SLC4A9: variants seen among roughly 807,000 people sequenced by gnomAD.
SLC4A9 encodes the protein anion exchange protein 4.
In SLC4A9, 102 loss-of-function variants were observed where a neutral mutation model predicts 103.2. The observed-to-expected ratio is 0.99, with a 90% CI of 0.84 to 1.17. SLC4A9 has a LOEUF of 1.17. Among genes scored for constraint, SLC4A9 ranks in the 50% most tolerant of loss-of-function variants. SLC4A9 has a pLI of 0.00. For synonymous variants in SLC4A9, 453 were observed against 483.6 expected (o/e 0.94, Z 0.83); for missense variants, 1,091 against 1,193.7 (o/e 0.91, Z 1.27).
intron 17 of SLC4A9, among the ~76,000 whole-genome samples, chr5:140,370,666 T>C (rs1289690294): frequency 6.6e-6 from 1 of 152,028 alleles, no homozygotes; most frequent in Non-Finnish European, 1.5e-5. Flanking sequence ...AAGAATAAAC[T>C]GGTCATGAGA....
In SLC4A9 at chr5:140,362,234, G is replaced by C. The variant is rs1202193759; in HGVS notation, c.719+60G>C. On this transcript the variant is annotated intron_variant, in intron 5 of 21. Coordinates refer to ENST00000506757, the MANE Select transcript of SLC4A9 (RefSeq NM_031467.3). ...CAGAACCTAGAAGGGTCTTTACTGA[G>C]GAGGGGAAGGAGGGTCTCAGTCTGA... 9.7e-6 allele frequency: 14 copies of C among 1,438,086 alleles called. 1 individual carries two copies. In the Middle Eastern group the frequency reaches 5.5e-4, roughly 56 times the overall value. 89.1% of individuals were successfully genotyped at this position (1,438,086 alleles called of 1,614,324 possible).
chr5:140,363,471 C>A lies in SLC4A9; in HGVS notation c.995C>A (p.Pro332His), dbSNP rs775016417. The A allele has an allele frequency of 6.4e-7, 1 of 1,551,242 alleles. No individual in the cohort carries two copies. The highest frequency in any genetic ancestry group is 8.7e-7 in the Non-Finnish European group (1 of 1,147,028). The change falls in exon 8 of 22, where the codon CCC becomes CAC. Residue 332 changes from proline (P) to histidine (H), a missense_variant. Transcript: ENST00000506757. This position sits in a 1 kb window ranked among gnomAD's most constrained non-coding sequence, Gnocchi z 4.5. Reference protein sequence around the residue: ...LPSQQREIRGPAVPRLTSAED... With the variant: ...LPSQQREIRGHAVPRLTSAED... The stretch of plus-strand genomic sequence containing the variant: ...TCGCAACAGCGGGAGATCAGAGGTC[C>A]CGCCGTCCCGCGCCTGACCTCGGCT...
chr5:140,374,120 C>T (rs919301116), intron 21 of SLC4A9, among the ~76,000 whole-genome samples: 10 of 151,234 alleles, frequency 6.6e-5, no homozygotes, highest in Non-Finnish European at 7.4e-5. Context: ...GGTGGAGGTT[C>T]GGAAGTTGCA....
At chr5:140,360,574 C>G in intron 1 of SLC4A9, 108 bp downstream of exon 1, 2 of 1,192,946 alleles carry the variant, frequency 1.7e-6, no homozygotes, top group South Asian at 3.0e-5. Context: ...TAGGATTTTC[C>G]CAGCTGTGTT....
rs767879386 is a variant in SLC4A9 at position 140,372,803 on chromosome 5, A to G, written c.*5A>G. On this transcript the variant is annotated 3_prime_UTR_variant, in exon 21 of 22. Coordinates refer to ENST00000506757, the MANE Select transcript of SLC4A9 (RefSeq NM_031467.3). Reference sequence around the variant, plus strand: ...ATCAACATTTCTGTGAATTAGCTGGAGTAGGAGTCTGGGAGTGGAGACCCC... The same window carrying G: ...ATCAACATTTCTGTGAATTAGCTGGGGTAGGAGTCTGGGAGTGGAGACCCC... 32 of 1,564,348 alleles carry G rather than the reference A, an allele frequency of 2.0e-5. No homozygotes were observed. The highest frequency in any genetic ancestry group is 2.8e-5 in the Non-Finnish European group (32 of 1,153,454).
rs1326163720 is a variant in SLC4A9, at chr5:140,372,378, G to A, written c.2807G>A (p.Ser936Asn). The A allele has an allele frequency of 6.2e-7, 1 of 1,610,256 alleles. No individual in the cohort carries two copies. Among genetic ancestry groups the A allele is most frequent in the East Asian group, 2.2e-5 (1 of 44,652 alleles). ...EKGLEPEHSFSGSDSEDSELM... is the reference protein window; with the variant it reads ...EKGLEPEHSFNGSDSEDSELM... Reference sequence around the variant, plus strand: ...GGGCTGGAGCCAGAACACTCATTCAGTGGAAGTGACAGTGAAGATGTGAGC... The same window carrying A: ...GGGCTGGAGCCAGAACACTCATTCAATGGAAGTGACAGTGAAGATGTGAGC... The change falls in exon 20 of 22, where the codon AGT (serine) becomes AAT (asparagine). Residue 936 changes from serine (S) to asparagine (N), a missense_variant. By Grantham distance (46) the Ser-to-Asn change is conservative. Coordinates refer to ENST00000506757, the MANE Select transcript of SLC4A9 (RefSeq NM_031467.3).
At position 140,363,153 on chromosome 5, in the gene SLC4A9, GAA is replaced by G; in HGVS notation, c.962+89_962+90del. On this transcript the variant is annotated intron_variant, in intron 7 of 21. Coordinates refer to ENST00000506757, the MANE Select transcript of SLC4A9 (RefSeq NM_031467.3). The surrounding 1 kb of genome is among the most constrained non-coding windows in gnomAD (Gnocchi z 4.5). ...TTGTTGAGGAGGGGTGGTGTCCCAG[GAA>G]AGAGATAGGGACCTATCTTTGGATT... is the stretch of plus-strand genomic sequence containing the variant. 3 of 1,503,616 alleles carry G rather than the reference GAA, an allele frequency of 2.0e-6. No homozygotes were observed. Among genetic ancestry groups the G allele is most frequent in the Non-Finnish European group, 2.7e-6 (3 of 1,116,674 alleles). 93.1% of individuals were successfully genotyped at this position (1,503,616 alleles called of 1,614,324 possible).
intron 17 of SLC4A9, among the ~76,000 whole-genome samples, chr5:140,369,304 CA>C (rs1768355826): frequency 6.6e-6 from 1 of 150,608 alleles, no homozygotes; most frequent in Admixed American, 6.6e-5. Context: ...AAAAAAAAAC[CA>C]AAAAACAACA....
At chr5:140,369,712 A>T (rs1448691698) in intron 17 of SLC4A9, among the ~76,000 whole-genome samples, 3 of 152,098 alleles carry the variant, frequency 2.0e-5, no homozygotes, top group Non-Finnish European at 4.4e-5. Context: ...AGCATAAACC[A>T]TATGCTAGGC....
At position 140,364,251 on chromosome 5, in the gene SLC4A9, G is replaced by T. The variant is rs757074805; in HGVS notation, c.1388+64G>T. 13 of 1,574,340 alleles carry T rather than the reference G, an allele frequency of 8.3e-6. No individual in the cohort carries two copies. The Admixed American group carries it at 2.1e-4, about 25-fold the overall frequency. On this transcript the variant is annotated intron_variant, in intron 10 of 21. Transcript: ENST00000506757. ...CCATGGTCAGCCTGCTCCTGGCTGG[G>T]TGAATAGGAGAGAGTGGGAGCTATC...
chr5:140,361,957 G>A (rs921890395), intron 4 of SLC4A9, 60 bp from the exon 5 acceptor site: 1 of 1,613,426 alleles, frequency 6.2e-7, no homozygotes, highest in Non-Finnish European at 8.5e-7. Flanking sequence ...CTCATCATTT[G>A]AGATCTTATC....
At chr5:140,366,602 G>A (rs1354367958) in intron 14 of SLC4A9, among the ~76,000 whole-genome samples, 4 of 152,072 alleles carry the variant, frequency 2.6e-5, no homozygotes, top group South Asian at 4.1e-4. Context: ...CAATTTCTTC[G>A]TCTATAAAAT....
At chr5:140,361,885 TC>T (rs771894128) in intron 4 of SLC4A9, 22 bp downstream of exon 4, 48 of 1,613,104 alleles carry the variant, frequency 3.0e-5, no homozygotes, top group African/African-American at 4.0e-5. Context: ...TTCCTTGGGG[TC>T]CCTTTCCAGT....
Position 140,371,177 on chromosome 5 carries a change from A to G in SLC4A9, c.2496+14A>G. 1 of 1,604,832 alleles carries G rather than the reference A, an allele frequency of 6.2e-7. No homozygotes were observed. Among genetic ancestry groups the G allele is most frequent in the Non-Finnish European group, 8.5e-7 (1 of 1,175,098 alleles). ...AGCAGCATTCAGGTGAGCCCATTAAAATCACCTAACAAAAGAAAAAAGAAG... is the reference window on the plus strand; with the variant it reads ...AGCAGCATTCAGGTGAGCCCATTAAGATCACCTAACAAAAGAAAAAAGAAG... On this transcript the variant is annotated intron_variant, in intron 18 of 21. Transcript: ENST00000506757.
intron 1 of SLC4A9, 159 bp downstream of exon 1, chr5:140,360,625 C>A: frequency 8.8e-7 from 1 of 1,131,742 alleles, no homozygotes; most frequent in Non-Finnish European, 1.3e-6. Flanking sequence ...GCCCAGCCTC[C>A]TCTGCAGTCT....
At chr5:140,365,665 TAAGGA>T in intron 12 of SLC4A9, 87 bp downstream of exon 12, 1 of 1,484,286 alleles carries the variant, frequency 6.7e-7, no homozygotes, top group Non-Finnish European at 9.3e-7. Flanking sequence ...ACCCATAGGT[TAAGGA>T]AACCTTCATA....
In SLC4A9 at chr5:140,375,105, G is replaced by A. The variant is rs1769296377; in HGVS notation, c.*324G>A. The A allele has an allele frequency of 6.6e-6, 1 of 152,072 alleles. No individual in the cohort carries two copies. The highest frequency in any genetic ancestry group is 2.4e-5 in the African/African-American group (1 of 41,386). The allele number at this position is 152,072 out of a possible 1,614,324, so 9.4% of individuals were successfully genotyped here. A position where few individuals can be genotyped will look rare whatever the true frequency, so the allele number is the denominator to read the frequency against. Reference sequence around the variant, plus strand: ...TCTTTTCATCTTGCAAAGAGAAAAAGCCAGTCTTTCCAGAATAAATATTCA... The same window carrying A: ...TCTTTTCATCTTGCAAAGAGAAAAAACCAGTCTTTCCAGAATAAATATTCA... On this transcript the variant is annotated 3_prime_UTR_variant, in exon 22 of 22. Transcript: ENST00000506757.
chr5:140,367,776 A>G lies in SLC4A9; in HGVS notation c.2232A>G (p.Thr744=). ...LFCVAVLMLL[T]SALGLPWYVS... ...GTGTGGCTGTGCTGATGCTACTCACATCAGCGCTTGGACTGCCTTGGTATG... is the reference window on the plus strand; with the variant it reads ...GTGTGGCTGTGCTGATGCTACTCACGTCAGCGCTTGGACTGCCTTGGTATG... Residue 744 remains threonine (T), a synonymous_variant, in exon 16 of 22, where the codon ACA becomes ACG. Coordinates refer to ENST00000506757, the MANE Select transcript of SLC4A9 (RefSeq NM_031467.3). 6.2e-7 allele frequency: 1 copy of G among 1,613,852 alleles called. No homozygotes were observed. The highest frequency in any genetic ancestry group is 1.3e-5 in the African/African-American group (1 of 74,994).
Position 140,365,558 on chromosome 5 carries a change from A to G in SLC4A9, c.1690A>G (p.Arg564Gly). Residue 564 changes from arginine to glycine, a missense_variant, in exon 12 of 22, where the codon AGA becomes GGA. Coordinates refer to ENST00000506757, the MANE Select transcript of SLC4A9 (RefSeq NM_031467.3). Reference sequence around the variant, plus strand: ...ATGGATAAGGACAAGGCCAAAAGACAGAGACGACATTGTAAGCATGGTGAG... The same window carrying G: ...ATGGATAAGGACAAGGCCAAAAGACGGAGACGACATTGTAAGCATGGTGAG... ...SQWIRTRPKD[R>G]DDIVSMDLGL... The G allele has an allele frequency of 6.2e-7, 1 of 1,612,316 alleles. No homozygotes were observed. Among genetic ancestry groups the G allele is most frequent in the Non-Finnish European group, 8.5e-7 (1 of 1,179,180 alleles).
Sources: gnomAD v4.1 joint callset for allele counts (sites outside exome capture counted in the v4.1 genomes callset) on GRCh38, gnomAD v4.1.1 for gene constraint, Gnocchi (gnomAD v3.1) non-coding constraint, MANE v1.5 for transcripts, NCBI Gene and HGNC (gene_info 2026-07-23, HGNC 2026-07-21) for gene names.